Variants in MAGEB6B observed in about 807,000 individuals in gnomAD.
MAGEB6B encodes MAGE family member B6B.
For synonymous variants in MAGEB6B, 107 were observed against 102.3 expected, an observed-to-expected ratio of 1.05 and a Z score of -0.27; for missense variants, 277 against 251.5, an observed-to-expected ratio of 1.10 and a Z score of -0.69.
rs749356669 is a variant in MAGEB6B, at chrX:26,160,811, G to A, written c.211G>A (p.Gly71Ser). 6.4e-6 allele frequency: 4 copies of A among 624,195 alleles called. No individual in the cohort carries two copies. The Admixed American group carries it at 8.8e-5, about 14-fold the overall frequency. The allele number at this position is 624,195 out of a possible 1,213,427, so 51.4% of individuals were successfully genotyped here. A position where few individuals can be genotyped will look rare whatever the true frequency, so the allele number is the denominator to read the frequency against. ...GGAGTCTCAGGGAGCTTCACCCACT[G>A]GCTATCCTGATGCAGGTGCTTCATG... The change falls in exon 1 of 1, where the codon GGC becomes AGC. Residue 71 changes from glycine (G) to serine (S), a missense_variant. Gly to Ser is a moderately conservative substitution (Grantham distance 56, BLOSUM62 0). Transcript: ENST00000416929.
exon 1 of MAGEB6B, chrX:26,161,365 G>A (rs1194663441): frequency 1.5e-6 from 1 of 683,025 alleles, no homozygotes; most frequent in Non-Finnish European, 2.4e-6. Context: ...TGAAAGAAAC[G>A]GATTCCAGCG....
chrX:26,160,747 G>A, exon 1 of MAGEB6B: 1 of 577,905 alleles, frequency 1.7e-6, no homozygotes, highest in Non-Finnish European at 3.2e-6. Context: ...CTGTTTGTCA[G>A]GGTGCTCGTC....
exon 1 of MAGEB6B, chrX:26,161,335 G>A (rs772043979): frequency 3.1e-6 from 2 of 647,774 alleles, no homozygotes; most frequent in South Asian, 2.2e-5. Context: ...AACATTTGAC[G>A]GTGTTCTTTG....
chrX:26,162,382 T>C (rs1438423058), downstream of MAGEB6B, among the ~76,000 whole-genome samples: 20 of 112,176 alleles, frequency 1.8e-4, 1 homozygote, highest in Admixed American at 2.8e-4. Flanking sequence ...TCTTTTCATA[T>C]AAATAAAGGA....
downstream of MAGEB6B, chrX:26,161,869 C>T (rs777835438): frequency 5.3e-6 from 6 of 1,125,538 alleles, no homozygotes; most frequent in South Asian, 7.9e-5. Flanking sequence ...CTTATGGGGC[C>T]ATATCCTACA....
At chrX:26,162,189 C>T (rs1028530535), downstream of MAGEB6B, among the ~76,000 whole-genome samples, 4 of 111,708 alleles carry the variant, frequency 3.6e-5, no homozygotes, top group African/African-American at 9.8e-5. Flanking sequence ...CAAAATCATA[C>T]ACCATTCATA....
exon 1 of MAGEB6B, chrX:26,160,790 T>A: frequency 1.6e-6 from 1 of 607,438 alleles, no homozygotes; most frequent in East Asian, 3.2e-5. Context: ...TCCTCAGGAG[T>A]CTCAGGGAGC....
chrX:26,162,105 T>A (rs1447250534), downstream of MAGEB6B, among the ~76,000 whole-genome samples: 7 of 112,624 alleles, frequency 6.2e-5, no homozygotes, highest in East Asian at 1.1e-3. Context: ...AGATTATACA[T>A]TTATCAATAA....
At chrX:26,161,957 T>A (rs1181625840), downstream of MAGEB6B, 4 of 575,699 alleles carry the variant, frequency 6.9e-6, no homozygotes, top group Admixed American at 6.3e-5. Context: ...TTCTAAGTAG[T>A]GCAGTATAGT....
chrX:26,161,456 G>A (rs1422669622), exon 1 of MAGEB6B: 11 of 1,134,210 alleles, frequency 9.7e-6, no homozygotes, highest in Non-Finnish European at 1.3e-5. Context: ...GCCGAAGTCG[G>A]GTCTCCTGAT....
chrX:26,162,296 T>A (rs1311265509), downstream of MAGEB6B, among the ~76,000 whole-genome samples: 5 of 112,401 alleles, frequency 4.4e-5, no homozygotes, highest in African/African-American at 1.6e-4. Context: ...GACATCATAA[T>A]ATGAAGAGAA....
chrX:26,161,728 G>T, exon 1 of MAGEB6B: 1 of 1,211,332 alleles, frequency 8.3e-7, no homozygotes, highest in Non-Finnish European at 1.1e-6. Flanking sequence ...TGCGTGTTTT[G>T]GCCGAGATCA....
At chrX:26,160,867 A>G (rs145833342) in exon 1 of MAGEB6B, 13,224 of 607,728 alleles carry the variant, frequency 0.022, 160 homozygotes, top group African/African-American at 0.059. Context: ...CCATGGGTCA[A>G]GATGAGAAAA....
chrX:26,160,781 C>T lies in MAGEB6B; in HGVS notation c.181C>T (p.Pro61Ser), dbSNP rs1029223648. Residue 61 changes from proline (P) to serine (S), a missense_variant, in exon 1 of 1, where the codon CCT becomes TCT. Physicochemically the swap from Pro to Ser is moderately conservative, Grantham distance 74. Transcript: ENST00000416929. ...TCGTAGGTCTTCTGGTTCCTCCGTT[C>T]CTCAGGAGTCTCAGGGAGCTTCACC... The T allele has an allele frequency of 5.0e-6, 3 of 597,101 alleles. No homozygotes were observed. In the African/African-American group the frequency reaches 6.6e-5, roughly 13 times the overall value. The allele number at this position is 597,101 out of a possible 1,213,427, so 49.2% of individuals were successfully genotyped here. A position where few individuals can be genotyped will look rare whatever the true frequency, so the allele number is the denominator to read the frequency against.
downstream of MAGEB6B, chrX:26,161,860 T>A (rs1187283713): frequency 8.7e-7 from 1 of 1,151,743 alleles, no homozygotes; most frequent in African/African-American, 1.8e-5. Flanking sequence ...CCAGGGCACC[T>A]TATGGGGCCA....
At chrX:26,161,940 G>C (rs2146868320), downstream of MAGEB6B, 1 of 692,613 alleles carries the variant, frequency 1.4e-6, no homozygotes, top group South Asian at 2.7e-5. Flanking sequence ...GAAGAGAGTA[G>C]TGAGCCTTCT....
exon 1 of MAGEB6B, chrX:26,160,903 C>T (rs756386930): frequency 1.8e-5 from 11 of 600,479 alleles, no homozygotes; most frequent in African/African-American, 1.6e-4. Flanking sequence ...GTGATGCCTC[C>T]GTTTCTCAAG....
At chrX:26,161,752 C>T (rs777782289) in exon 1 of MAGEB6B, 30 of 1,208,738 alleles carry the variant, frequency 2.5e-5, no homozygotes, top group South Asian at 7.1e-5. Context: ...ACACCAGTCC[C>T]GGTTTATACC....
At chrX:26,160,896 A>G (rs1232788548) in exon 1 of MAGEB6B, 1 of 599,522 alleles carries the variant, frequency 1.7e-6, no homozygotes, top group Admixed American at 2.2e-5. Context: ...ACCTCCCGTG[A>G]TGCCTCCGTT....
Sources: allele counts gnomAD v4.1 joint callset (sites outside exome capture counted in the v4.1 genomes callset), GRCh38; gene constraint gnomAD v4.1.1; transcripts MANE v1.5; gene names NCBI Gene and HGNC (gene_info 2026-07-23, HGNC 2026-07-21).